Variants in SLC1A6 observed in about 807,000 individuals in gnomAD.
SLC1A6 encodes excitatory amino acid transporter 4.
A neutral mutation model predicts 42.1 loss-of-function variants in SLC1A6; 15 were observed. The ratio of observed to expected loss-of-function variants is 0.36; its 90% CI spans 0.24 to 0.55. The LOEUF (loss-of-function observed/expected upper bound fraction) is 0.55, where lower values mean the gene tolerates loss of function less well. SLC1A6 is among the 20% of genes least tolerant of loss of function. The pLI is 0.88. For missense variants in SLC1A6, 542 were observed against 772.5 expected, an observed-to-expected ratio of 0.70 and a Z score of 3.54; for synonymous variants, 317 against 319.7, an observed-to-expected ratio of 0.99 and a Z score of 0.09.
intron 1 of SLC1A6, among the ~76,000 whole-genome samples, chr19:15,001,131 A>C (rs1013817655): frequency 1.3e-5 from 2 of 151,806 alleles, no homozygotes; most frequent in African/African-American, 4.8e-5. Flanking sequence ...TCAGCGAACA[A>C]ATATTAAGGG....
chr19:14,997,005 AG>A (rs2045850527), intron 1 of SLC1A6, among the ~76,000 whole-genome samples: 1 of 152,166 alleles, frequency 6.6e-6, no homozygotes, highest in Non-Finnish European at 1.5e-5. Flanking sequence ...CAAAGGGAAA[AG>A]TCAAGCTGGG....
At chr19:14,958,094 T>C (rs2045478259) in intron 6 of SLC1A6, among the ~76,000 whole-genome samples, 1 of 152,196 alleles carries the variant, frequency 6.6e-6, no homozygotes, top group African/African-American at 2.4e-5. Context: ...GAGGCTTCAA[T>C]GGCTACTCCT....
At chr19:14,999,226 T>G (rs769801274) in intron 1 of SLC1A6, among the ~76,000 whole-genome samples, 3 of 152,298 alleles carry the variant, frequency 2.0e-5, no homozygotes, top group Non-Finnish European at 2.9e-5. Context: ...CCTGGTGGCT[T>G]CATCTGCAAA....
intron 1 of SLC1A6, among the ~76,000 whole-genome samples, chr19:15,005,157 G>T (rs1298406793): frequency 6.6e-6 from 1 of 151,998 alleles, no homozygotes; most frequent in Non-Finnish European, 1.5e-5. Flanking sequence ...CTACCCAGGA[G>T]GCTGAGGCAG....
rs775976186 is a variant in SLC1A6 at position 14,968,525 on chromosome 19, T to G, written c.344-18A>C. The G allele has an allele frequency of 6.3e-7, 1 of 1,592,006 alleles. No homozygotes were observed. The highest frequency in any genetic ancestry group is 1.7e-5 in the Admixed American group (1 of 58,934). On this transcript the variant is annotated intron_variant, in intron 3 of 9. Transcript: ENST00000594383. The stretch of plus-strand genomic sequence containing the variant: ...TGCCATACCTGAAGGACAGATGATG[T>G]GGCCCCCGCAGCTCCATGCATACCC...
chr19:15,006,439 C>T (rs1215178414), intron 1 of SLC1A6, among the ~76,000 whole-genome samples: 2 of 152,170 alleles, frequency 1.3e-5, no homozygotes, highest in East Asian at 3.9e-4. Context: ...GCCTCCATCG[C>T]CAAAGGTTAT....
At chr19:14,995,663 C>A (rs188486748) in intron 1 of SLC1A6, among the ~76,000 whole-genome samples, 31 of 152,198 alleles carry the variant, frequency 2.0e-4, no homozygotes, top group African/African-American at 7.2e-4. Context: ...TTATGCTATA[C>A]ATGATATACA....
intron 1 of SLC1A6, among the ~76,000 whole-genome samples, chr19:14,986,376 G>T (rs1381791570): frequency 6.6e-6 from 1 of 151,766 alleles, no homozygotes; most frequent in African/African-American, 2.4e-5. Context: ...AAAAAAATTA[G>T]CCCAGCATGG....
At chr19:14,988,259 A>G (rs2145229874) in intron 1 of SLC1A6, among the ~76,000 whole-genome samples, 1 of 151,940 alleles carries the variant, frequency 6.6e-6, no homozygotes, top group African/African-American at 2.4e-5. Context: ...CTTTCTCCCC[A>G]CCTCCCTCTG....
At chr19:14,977,834 T>C (rs2045728169) in intron 1 of SLC1A6, 1 of 152,126 alleles carries the variant, frequency 6.6e-6, no homozygotes, top group African/African-American at 2.4e-5. Flanking sequence ...AGTTGCCAAC[T>C]GTGGTTGATA....
Position 14,953,008 on chromosome 19 carries a change from C to G in SLC1A6, c.1419G>C (p.Leu473=), listed in dbSNP as rs767529370. The G allele has an allele frequency of 1.4e-5, 23 of 1,614,002 alleles. No homozygotes were observed. Among genetic ancestry groups the G allele is most frequent in the Non-Finnish European group, 1.5e-5 (18 of 1,179,978 alleles). Residue 473 remains leucine (L), a synonymous_variant, in exon 9 of 10, where the codon CTG becomes CTC. Coordinates refer to ENST00000594383, the MANE Select transcript of SLC1A6 (RefSeq NM_005071.3). The stretch of plus-strand genomic sequence containing the variant: ...ACGTAAGCACAATGACCATGGTGAC[C>G]AGACCCGCCTGGGGGATGCCAGCAG... The part of the protein sequence containing the change: ...VGAAGIPQAG[L]VTMVIVLTSV...
intron 8 of SLC1A6, among the ~76,000 whole-genome samples, chr19:14,953,885 T>C (rs1381861821): frequency 6.6e-6 from 1 of 152,194 alleles, no homozygotes; most frequent in Non-Finnish European, 1.5e-5. Context: ...TGGAAAACAC[T>C]GGACAAATGG....
At position 14,972,617 on chromosome 19, in the gene SLC1A6, G is replaced by GAGAGAATGAA; in HGVS notation, c.205+88_205+89insTTCATTCTCT. 7 of 1,067,390 alleles carry GAGAGAATGAA rather than the reference G, an allele frequency of 6.6e-6. No homozygotes were observed. In the Admixed American group the frequency reaches 1.3e-4, roughly 20 times the overall value. The allele number at this position is 1,067,390 out of a possible 1,614,324, so 66.1% of individuals were successfully genotyped here. A position where few individuals can be genotyped will look rare whatever the true frequency, so the allele number is the denominator to read the frequency against. Reference sequence around the variant, plus strand: ...CGTGTGTGCAGGTGAGAATGAAGGGGTGCAGCAAAGAGATGTGTAGAGGCC... The same window carrying GAGAGAATGAA: ...CGTGTGTGCAGGTGAGAATGAAGGGGAGAGAATGAATGCAGCAAAGAGATGTGTAGAGGCC... On this transcript the variant is annotated intron_variant, in intron 2 of 9. Transcript: ENST00000594383.
At chr19:14,954,498 C>T (rs2045443542) in intron 7 of SLC1A6, among the ~76,000 whole-genome samples, 169 bp from the exon 8 acceptor site, 1 of 151,264 alleles carries the variant, frequency 6.6e-6, no homozygotes, top group African/African-American at 2.4e-5. Context: ...AGGGCTGGGT[C>T]ACATGGGCGG....
chr19:14,968,279 T>G, intron 4 of SLC1A6, 24 bp downstream of exon 4: 2 of 1,550,036 alleles, frequency 1.3e-6, no homozygotes, highest in Non-Finnish European at 8.9e-7. Flanking sequence ...AATGTGTATA[T>G]TGTGGTTTTT....
upstream of SLC1A6, among the ~76,000 whole-genome samples, chr19:14,981,668 C>T (rs62113322): frequency 0.12 from 18,775 of 152,148 alleles, 1,339 homozygotes; most frequent in African/African-American, 0.21. Context: ...CGGTCTGTCA[C>T]GCAAAATAAT....
In SLC1A6 at chr19:14,972,924, G is replaced by T; in HGVS notation, c.-7-7C>A. 1.3e-6 allele frequency: 2 copies of T among 1,555,322 alleles called. No individual in the cohort carries two copies. The highest frequency in any genetic ancestry group is 2.3e-5 in the East Asian group (1 of 42,594). On this transcript the variant is annotated splice_polypyrimidine_tract_variant and splice_region_variant and intron_variant, in intron 1 of 9. Coordinates refer to ENST00000594383, the MANE Select transcript of SLC1A6 (RefSeq NM_005071.3). ...ATGGCTGCTCATGGTCTATCTGCGG[G>T]AAACAGAGAAGCCTGGGGCTGGTGA...
intron 2 of SLC1A6, 92 bp downstream of exon 2, chr19:14,972,614 G>A: frequency 9.7e-7 from 1 of 1,033,780 alleles, no homozygotes; most frequent in Non-Finnish European, 1.5e-6. Flanking sequence ...TGAGAATGAA[G>A]GGGTGCAGCA....
At position 14,959,250 on chromosome 19, in the gene SLC1A6, T is replaced by C. The variant is rs1197181029; in HGVS notation, c.936-2541A>G. ...TCCTTTTGTAAGCAACTTCCTCTTT[T>C]CCTCTGTTTTCCATTGCTTTTACCT... is the stretch of plus-strand genomic sequence containing the variant. On this transcript the variant is annotated intron_variant, in intron 6 of 9. Coordinates refer to ENST00000594383, the MANE Select transcript of SLC1A6 (RefSeq NM_005071.3). Among the ~76,000 whole-genome samples the C allele has an allele frequency of 3.3e-5, 5 of 152,388 alleles. No homozygotes were observed. In the East Asian group the frequency reaches 9.6e-4, roughly 29 times the overall value.
Sources: gnomAD v4.1 joint callset for allele counts (sites outside exome capture counted in the v4.1 genomes callset) on GRCh38, gnomAD v4.1.1 for gene constraint, MANE v1.5 for transcripts, NCBI Gene and HGNC (gene_info 2026-07-23, HGNC 2026-07-21) for gene names.